The following SOX5 variants were observed in gnomAD, a reference collection of about 807,000 sequenced individuals.
The protein encoded by SOX5 is transcription factor SOX-5.
SOX5 carries 9 observed loss-of-function variants against 92.0 expected under a neutral mutation model. That is an observed-to-expected ratio of 0.10 (90% CI 0.06 to 0.17). The LOEUF is 0.17. SOX5 is among the 10% of genes least tolerant of loss of function. The pLI is 1.00. For synonymous variants in SOX5, 344 were observed against 336.3 expected, an observed-to-expected ratio of 1.02 and a Z score of -0.25; for missense variants, 642 against 944.5, an observed-to-expected ratio of 0.68 and a Z score of 4.20.
At chr12:23,877,141 T>C (rs1457513989) in intron 2 of SOX5, among the ~76,000 whole-genome samples, 1 of 151,638 alleles carries the variant, frequency 6.6e-6, no homozygotes. Flanking sequence ...TAAAGTATAA[T>C]AAAAAAAATA....
At chr12:24,202,203 A>T (rs751710774) in intron 4 of SOX5, among the ~76,000 whole-genome samples, 1 of 152,236 alleles carries the variant, frequency 6.6e-6, no homozygotes, top group Non-Finnish European at 1.5e-5. Context: ...ACAGTGTAAC[A>T]TACCTATCAC....
In SOX5 at chr12:24,170,423, C is replaced by T. The variant is rs369607251; in HGVS notation, c.-2+42920G>A. Among the ~76,000 whole-genome samples, 26 of 152,266 alleles carry T rather than the reference C, an allele frequency of 1.7e-4. No homozygotes were observed. In the South Asian group the frequency reaches 4.8e-3, roughly 28 times the overall value. ...GGTAGGAAGAAGACAGGAGTAAGGG[C>T]AGAAGTCACTGCTCTTCTCGATAAG... is the stretch of plus-strand genomic sequence containing the variant. On this transcript the variant is annotated intron_variant, in intron 4 of 4. Coordinates refer to the SOX5 transcript ENST00000446891.
At chr12:24,552,546 C>G (rs1219893625) in intron 1 of SOX5, among the ~76,000 whole-genome samples, 3 of 152,228 alleles carry the variant, frequency 2.0e-5, no homozygotes, top group African/African-American at 7.2e-5. Context: ...AAACACTGTT[C>G]TGTAATTTCC....
intron 9 of SOX5, among the ~76,000 whole-genome samples, chr12:23,584,797 G>A (rs990283579): frequency 2.6e-5 from 4 of 151,976 alleles, no homozygotes; most frequent in African/African-American, 9.7e-5. Flanking sequence ...CACTAAGCAA[G>A]AAAAGGCTAG....
chr12:24,332,204 A>G (rs1314162533), intron 2 of SOX5, among the ~76,000 whole-genome samples: 1 of 152,226 alleles, frequency 6.6e-6, no homozygotes, highest in Admixed American at 6.5e-5. Context: ...GAAAAGATCC[A>G]TAACACTTAT....
chr12:23,546,120 T>C (rs1242736278), intron 12 of SOX5, among the ~76,000 whole-genome samples, 196 bp downstream of exon 12: 2 of 152,142 alleles, frequency 1.3e-5, no homozygotes, highest in East Asian at 1.9e-4. Context: ...CTAGGTTGAC[T>C]AGGAATTAAA....
chr12:24,529,091 G>T (rs1319771080), intron 1 of SOX5, among the ~76,000 whole-genome samples: 3 of 152,286 alleles, frequency 2.0e-5, no homozygotes, highest in Admixed American at 2.0e-4. Context: ...ACTAGCCTAA[G>T]GTCAGAAGGA....
rs569042271 is a variant in SOX5 at position 24,393,102 on chromosome 12, C to T, written c.-250-24463G>A. 2.0e-5 allele frequency among the ~76,000 whole-genome samples: 3 copies of T among 152,126 alleles called. No homozygotes were observed. In the East Asian group the frequency reaches 5.8e-4, roughly 29 times the overall value. On this transcript the variant is annotated intron_variant, in intron 1 of 4. Transcript: ENST00000446891. The surrounding 1 kb of genome is among the most constrained non-coding windows in gnomAD (Gnocchi z 5.0). ...TTTTCTATCTCAACCACCACTCTCCCAATTATAATAAATGAATAAAGTAGA... is the reference window on the plus strand; with the variant it reads ...TTTTCTATCTCAACCACCACTCTCCTAATTATAATAAATGAATAAAGTAGA...
intron 7 of SOX5, among the ~76,000 whole-genome samples, chr12:23,641,405 A>C (rs763651717): frequency 6.6e-6 from 1 of 152,234 alleles, no homozygotes; most frequent in African/African-American, 2.4e-5. Context: ...ATTAACAACG[A>C]AGAAAACATT....
chr12:23,925,836 A>G (rs1297530228), intron 1 of SOX5, among the ~76,000 whole-genome samples: 1 of 152,132 alleles, frequency 6.6e-6, no homozygotes, highest in Non-Finnish European at 1.5e-5. Context: ...GTTATGAATA[A>G]TATTTCACTT....
chr12:24,166,236 T>C (rs1352111379), intron 4 of SOX5, among the ~76,000 whole-genome samples: 1 of 152,158 alleles, frequency 6.6e-6, no homozygotes, highest in Non-Finnish European at 1.5e-5. Context: ...TTTTATGTGT[T>C]TCTTCATAGA....
intron 4 of SOX5, among the ~76,000 whole-genome samples, chr12:24,174,645 A>G (rs1954602314): frequency 6.6e-6 from 1 of 152,120 alleles, no homozygotes; most frequent in African/African-American, 2.4e-5. Context: ...AACATGGTGA[A>G]ACCCCACCTG....
chr12:23,609,366 G>A (rs1451515843), intron 8 of SOX5, among the ~76,000 whole-genome samples: 1 of 152,164 alleles, frequency 6.6e-6, no homozygotes, highest in Non-Finnish European at 1.5e-5. Flanking sequence ...CCAGAATATT[G>A]ATAAGACAGA....
At chr12:23,754,943 C>G (rs1388015170) in intron 4 of SOX5, among the ~76,000 whole-genome samples, 2 of 151,224 alleles carry the variant, frequency 1.3e-5, no homozygotes, top group South Asian at 2.1e-4. Context: ...CTGTAGAACT[C>G]AGAATCTTAA....
chr12:23,912,998 A>G (rs2097368407), intron 1 of SOX5, among the ~76,000 whole-genome samples: 1 of 152,212 alleles, frequency 6.6e-6, no homozygotes, highest in African/African-American at 2.4e-5. Context: ...GTACTGAATT[A>G]TATTTCAATA....
At chr12:24,556,277 G>A (rs1800502275) in intron 1 of SOX5, among the ~76,000 whole-genome samples, 1 of 152,176 alleles carries the variant, frequency 6.6e-6, no homozygotes, top group Non-Finnish European at 1.5e-5. Context: ...GTTTTAAGAA[G>A]ACTTTCCTTT....
intron 1 of SOX5, among the ~76,000 whole-genome samples, chr12:24,397,214 T>A (rs910085214): frequency 1.3e-5 from 2 of 152,204 alleles, no homozygotes; most frequent in African/African-American, 2.4e-5. Flanking sequence ...TCCCTTTTTT[T>A]TTCTTTTTTG....
intron 4 of SOX5, among the ~76,000 whole-genome samples, chr12:24,053,252 C>T (rs933642876): frequency 6.6e-5 from 10 of 151,266 alleles, no homozygotes; most frequent in African/African-American, 1.5e-4. Context: ...CTCAGCCTCC[C>T]GAGTAGCTGG....
intron 4 of SOX5, among the ~76,000 whole-genome samples, chr12:24,129,069 C>T (rs1949392637): frequency 6.6e-6 from 1 of 152,204 alleles, no homozygotes; most frequent in Non-Finnish European, 1.5e-5. Flanking sequence ...CACAAACATT[C>T]AGTCATGACT....
Sources: gnomAD v4.1 joint callset for allele counts (sites outside exome capture counted in the v4.1 genomes callset) on GRCh38, gnomAD v4.1.1 for gene constraint, Gnocchi (gnomAD v3.1) non-coding constraint, MANE v1.5 for transcripts, NCBI Gene and HGNC (gene_info 2026-07-23, HGNC 2026-07-21) for gene names.